The following MOB4 variants were observed in gnomAD, a reference collection of about 807,000 sequenced individuals.
MOB4 encodes the protein MOB family member 4, phocein, also known as MOB-like protein phocein.
MOB4 carries 4 observed loss-of-function variants against 32.2 expected under a neutral mutation model. That is an observed-to-expected ratio of 0.12 (90% CI 0.06 to 0.28). The LOEUF is 0.28. MOB4 is among the 10% of genes least tolerant of loss of function. MOB4 has a pLI of 1.00. For missense variants in MOB4, 158 were observed against 271.2 expected, an observed-to-expected ratio of 0.58 and a Z score of 2.93; for synonymous variants, 88 against 88.1, an observed-to-expected ratio of 1.00 and a Z score of 0.01.
chr2:197,526,783 C>T (rs1183452480), intron 2 of MOB4, among the ~76,000 whole-genome samples: 1 of 152,140 alleles, frequency 6.6e-6, no homozygotes, highest in Non-Finnish European at 1.5e-5. Context: ...ATGGTCTCAG[C>T]AGCCTTGTCG....
At chr2:197,538,929 C>T (rs1378443542) in intron 3 of MOB4, among the ~76,000 whole-genome samples, 2 of 152,182 alleles carry the variant, frequency 1.3e-5, no homozygotes, top group African/African-American at 2.4e-5. Context: ...AAAGGAAATG[C>T]AGTTACAAAC....
At chr2:197,537,347 G>A (rs1313967965) in intron 3 of MOB4, among the ~76,000 whole-genome samples, 1 of 152,158 alleles carries the variant, frequency 6.6e-6, no homozygotes, top group African/African-American at 2.4e-5. Flanking sequence ...AATAAATATA[G>A]AGAATGCAGT....
chr2:197,529,907 C>T lies in MOB4; in HGVS notation c.124-5623C>T, dbSNP rs373982371. 5.0e-3 allele frequency among the ~76,000 whole-genome samples: 767 copies of T among 152,250 alleles called. 4 individuals carry two copies. The highest frequency in any genetic ancestry group is 8.2e-3 in the Non-Finnish European group (559 of 68,028). ...GACCTTGTGATCTGCCCGCCTCAGC[C>T]TCCCAAATTGCTGGGATTACAGGCG... On this transcript the variant is annotated intron_variant, in intron 2 of 7. Coordinates refer to ENST00000323303, the MANE Select transcript of MOB4 (RefSeq NM_015387.5).
intron 2 of MOB4, among the ~76,000 whole-genome samples, chr2:197,529,591 A>G (rs1369154635): frequency 6.6e-6 from 1 of 151,898 alleles, no homozygotes; most frequent in African/African-American, 2.4e-5. Flanking sequence ...ACCTCAAGTG[A>G]TCCATCCACC....
intron 1 of MOB4, among the ~76,000 whole-genome samples, chr2:197,522,415 C>T (rs952173586): frequency 4.2e-5 from 6 of 144,352 alleles, no homozygotes; most frequent in Non-Finnish European, 7.4e-5. Flanking sequence ...ACCACAGCTT[C>T]CGCCTCCTGG....
rs376218537 is a variant in MOB4, at chr2:197,550,431, A to G, written c.546+45A>G. 32 of 1,602,712 alleles carry G rather than the reference A, an allele frequency of 2.0e-5. No homozygotes were observed. In the African/African-American group the frequency reaches 2.5e-4, roughly 13 times the overall value. ...TATCTTGATGCATTCTTATCAGTGT[A>G]ACAGTAATATATATTGATGTTATTT... is the stretch of plus-strand genomic sequence containing the variant. On this transcript the variant is annotated intron_variant, in intron 7 of 7. Coordinates refer to ENST00000323303, the MANE Select transcript of MOB4 (RefSeq NM_015387.5).
At position 197,518,231 on chromosome 2, in the gene MOB4, G is replaced by T. The variant is rs910944227; in HGVS notation, c.60+2085G>T. Among the ~76,000 whole-genome samples the T allele has an allele frequency of 3.3e-5, 5 of 151,952 alleles. No homozygotes were observed. In the South Asian group the frequency reaches 8.3e-4, roughly 25 times the overall value. On this transcript the variant is annotated intron_variant, in intron 1 of 7. Coordinates refer to ENST00000323303, the MANE Select transcript of MOB4 (RefSeq NM_015387.5). ...GGTTAGACTGGAATATAGGCACATAGTTGGTTTTCTTTTTTCTTTTTCTTT... is the reference window on the plus strand; with the variant it reads ...GGTTAGACTGGAATATAGGCACATATTTGGTTTTCTTTTTTCTTTTTCTTT...
At chr2:197,544,449 A>C (rs2086955688) in intron 5 of MOB4, among the ~76,000 whole-genome samples, 1 of 152,160 alleles carries the variant, frequency 6.6e-6, no homozygotes, top group South Asian at 2.1e-4. Context: ...TAAATTGTAC[A>C]TTTAAAAATG....
rs1190666124 is a variant in MOB4 at position 197,550,839 on chromosome 2, C to G, written c.*193C>G. On this transcript the variant is annotated 3_prime_UTR_variant, in exon 8 of 8. Coordinates refer to ENST00000323303, the MANE Select transcript of MOB4 (RefSeq NM_015387.5). ...AAGCTGTATATTCACCAGTGTGGCA[C>G]TCATGGTTTTTAAATAAGATTAGTA... 2.1e-6 allele frequency: 1 copy of G among 478,236 alleles called. No homozygotes were observed. Among genetic ancestry groups the G allele is most frequent in the Non-Finnish European group, 3.2e-6 (1 of 315,182 alleles). The allele number at this position is 478,236 out of a possible 1,614,324, so 29.6% of individuals were successfully genotyped here.
At chr2:197,550,064 A>T (rs955505776) in intron 6 of MOB4, among the ~76,000 whole-genome samples, 2 of 152,182 alleles carry the variant, frequency 1.3e-5, no homozygotes, top group Admixed American at 1.3e-4. Flanking sequence ...TATAATGCTG[A>T]ATTTAAGTTA....
At chr2:197,544,997 T>C (rs1415445087) in intron 5 of MOB4, among the ~76,000 whole-genome samples, 1 of 152,192 alleles carries the variant, frequency 6.6e-6, no homozygotes, top group African/African-American at 2.4e-5. Context: ...TGGAAGTTCC[T>C]TAAAATGGTA....
rs372788864 is a variant in MOB4, at chr2:197,535,719, T to C, written c.224+89T>C. Reference sequence around the variant, plus strand: ...ATTATGAATTGTAAAATTTACTATGTAACTGCAGACTAAGAAGCCAAATTT... The same window carrying C: ...ATTATGAATTGTAAAATTTACTATGCAACTGCAGACTAAGAAGCCAAATTT... On this transcript the variant is annotated intron_variant, in intron 3 of 7. Coordinates refer to ENST00000323303, the MANE Select transcript of MOB4 (RefSeq NM_015387.5). 2.1e-6 allele frequency: 3 copies of C among 1,462,236 alleles called. No homozygotes were observed. In the African/African-American group the frequency reaches 4.3e-5, roughly 21 times the overall value. 90.6% of individuals were successfully genotyped at this position (1,462,236 alleles called of 1,614,324 possible).
At chr2:197,547,221 C>A (rs1483344555) in intron 5 of MOB4, among the ~76,000 whole-genome samples, 1 of 152,070 alleles carries the variant, frequency 6.6e-6, no homozygotes, top group East Asian at 1.9e-4. Flanking sequence ...TTGGTCTTGC[C>A]GTTGCTGGGA....
chr2:197,525,272 G>T (rs1366180233), intron 2 of MOB4, among the ~76,000 whole-genome samples: 2 of 81,008 alleles, frequency 2.5e-5, no homozygotes, highest in East Asian at 2.7e-4. Flanking sequence ...TGTGAACCTG[G>T]GAGGCAGTGA....
intron 3 of MOB4, among the ~76,000 whole-genome samples, chr2:197,536,679 A>G (rs1286877780): frequency 1.5e-5 from 2 of 134,708 alleles, no homozygotes; most frequent in Non-Finnish European, 3.1e-5. Context: ...CCGGCTCACC[A>G]CAACCTCTGC....
At chr2:197,522,258 A>G in intron 1 of MOB4, among the ~76,000 whole-genome samples, 1 of 128,136 alleles carries the variant, frequency 7.8e-6, no homozygotes, top group East Asian at 2.4e-4. Context: ...TAGTCACCCT[A>G]TTGTGCTAGC....
chr2:197,527,483 C>G (rs990095471), intron 2 of MOB4, among the ~76,000 whole-genome samples: 16 of 152,132 alleles, frequency 1.1e-4, no homozygotes, highest in African/African-American at 3.9e-4. Context: ...TTTATGTGTT[C>G]ATCTTGTATT....
rs949559638 is a variant in MOB4 at position 197,526,603 on chromosome 2, G to A, written c.123+2917G>A. ...AGTGCTGGGATTACAGGTGTGAGCC[G>A]TCACGCCCAGCATTAATTTTTCTTT... On this transcript the variant is annotated intron_variant, in intron 2 of 7. Transcript: ENST00000323303. 2.0e-4 allele frequency among the ~76,000 whole-genome samples: 30 copies of A among 152,232 alleles called. 2 individuals are homozygous for A. The East Asian group carries it at 3.9e-3, about 20-fold the overall frequency.
intron 2 of MOB4, among the ~76,000 whole-genome samples, chr2:197,528,910 C>A (rs888070205): frequency 2.0e-5 from 3 of 151,778 alleles, no homozygotes; most frequent in Non-Finnish European, 4.4e-5. Flanking sequence ...AGCCACCGCG[C>A]CTGGCCTCCC....
Sources: gnomAD v4.1 joint callset for allele counts (sites outside exome capture counted in the v4.1 genomes callset) on GRCh38, gnomAD v4.1.1 for gene constraint, MANE v1.5 for transcripts, NCBI Gene and HGNC (gene_info 2026-07-23, HGNC 2026-07-21) for gene names.